NUAK2: variants seen among roughly 807,000 people sequenced by gnomAD.
The protein encoded by NUAK2 is NUAK family kinase 2, also known as NUAK family SNF1-like kinase 2.
NUAK2 carries 20 observed loss-of-function variants against 29.8 expected under a neutral mutation model. The observed-to-expected ratio is 0.67, with a 90% CI of 0.47 to 0.98. The LOEUF is 0.98. Among genes scored for constraint, NUAK2 ranks in the 50% least tolerant of loss-of-function variants. NUAK2 has a pLI of 0.00. For missense variants in NUAK2, 719 were observed against 834.5 expected (o/e 0.86, Z 1.71); for synonymous variants, 331 against 342.6 (o/e 0.97, Z 0.37).
Position 205,308,681 on chromosome 1 carries a change from C to T in NUAK2, c.404G>A (p.Gly135Asp), listed in dbSNP as rs371333792. 3 of 1,614,112 alleles carry T rather than the reference C, an allele frequency of 1.9e-6. No individual in the cohort carries two copies. Among genetic ancestry groups the T allele is most frequent in the Non-Finnish European group, 2.5e-6 (3 of 1,180,028 alleles). Residue 135 changes from glycine (G) to aspartate (D), a missense_variant, in exon 3 of 7, where the codon GGC becomes GAC. Physicochemically the swap from Gly to Asp is moderately conservative, Grantham distance 94. Around this residue, in one of 3 missense-constraint regions of NUAK2, gnomAD observed 283 missense variants for 345.6 expected, o/e 0.82. Coordinates refer to ENST00000367157, the MANE Select transcript of NUAK2 (RefSeq NM_030952.3). This position sits in a 1 kb window ranked among gnomAD's most constrained non-coding sequence, Gnocchi z 4.1. The part of the protein sequence containing the change: ...IVIVMEYASR[G>D]DLYDYISERQ... ...CTCGCTGATGTAGTCATAAAGGTCG[C>T]CCCGGCTGGCATACTCCATGACGAT...
At chr1:205,318,778 T>C (rs1316624293) in intron 1 of NUAK2, among the ~76,000 whole-genome samples, 1 of 152,258 alleles carries the variant, frequency 6.6e-6, no homozygotes, top group African/African-American at 2.4e-5. Flanking sequence ...CAGGAATGTA[T>C]TGAAGAGCCA....
intron 1 of NUAK2, among the ~76,000 whole-genome samples, chr1:205,317,734 G>A (rs1444610647): frequency 6.6e-6 from 1 of 152,234 alleles, no homozygotes; most frequent in Non-Finnish European, 1.5e-5. Context: ...AGCTGGGAGG[G>A]CAGTGTCCTG....
Position 205,308,462 on chromosome 1 carries a change from A to T in NUAK2, c.504+119T>A. The T allele has an allele frequency of 8.9e-7, 1 of 1,121,184 alleles. No homozygotes were observed. Among genetic ancestry groups the T allele is most frequent in the Non-Finnish European group, 1.3e-6 (1 of 766,324 alleles). The allele number at this position is 1,121,184 out of a possible 1,614,324, so 69.5% of individuals were successfully genotyped here. A position where few individuals can be genotyped will look rare whatever the true frequency, so the allele number is the denominator to read the frequency against. On this transcript the variant is annotated intron_variant, in intron 3 of 6. Coordinates refer to ENST00000367157, the MANE Select transcript of NUAK2 (RefSeq NM_030952.3). The surrounding 1 kb of genome is among the most constrained non-coding windows in gnomAD (Gnocchi z 4.1). ...ACATTTCCCTGAGAGTCCAGAATCT[A>T]GTTTTGCCTCTGTTTCTGTGTGATC...
At chr1:205,309,753 A>G (rs1191323020) in intron 2 of NUAK2, among the ~76,000 whole-genome samples, 1 of 152,232 alleles carries the variant, frequency 6.6e-6, no homozygotes, top group African/African-American at 2.4e-5. Flanking sequence ...ATAAAGCACC[A>G]GGGAGAGCTG....
intron 2 of NUAK2, 45 bp downstream of exon 2, chr1:205,311,660 C>T: frequency 6.2e-7 from 1 of 1,610,676 alleles, no homozygotes; most frequent in South Asian, 1.1e-5. Context: ...CACACACATG[C>T]ACACACATAG....
chr1:205,314,697 G>A (rs1176664086), intron 1 of NUAK2, among the ~76,000 whole-genome samples: 7 of 152,100 alleles, frequency 4.6e-5, no homozygotes, highest in Non-Finnish European at 1.0e-4. Context: ...AGAGATAAAG[G>A]TCCATAAAGA....
At chr1:205,311,237 G>C (rs1322224639) in intron 2 of NUAK2, among the ~76,000 whole-genome samples, 1 of 152,178 alleles carries the variant, frequency 6.6e-6, no homozygotes, top group Admixed American at 6.5e-5. Context: ...TCAGACTCTA[G>C]GAGGTCTGGC....
intron 1 of NUAK2, among the ~76,000 whole-genome samples, chr1:205,319,083 C>A (rs566402420): frequency 4.1e-5 from 6 of 145,462 alleles, no homozygotes; most frequent in Admixed American, 2.1e-4. Context: ...TCTCGATTCA[C>A]GAAGGACAGT....
chr1:205,305,764 T>G (rs995526516), intron 5 of NUAK2, among the ~76,000 whole-genome samples: 2 of 152,142 alleles, frequency 1.3e-5, no homozygotes, highest in Non-Finnish European at 1.5e-5. Context: ...CAGACTGGAG[T>G]GCAGTGGCAT....
At position 205,308,158 on chromosome 1, in the gene NUAK2, G is replaced by C. The variant is rs969051907; in HGVS notation, c.570+7C>G. ...GGAGGCTTCTAGAAATAAGAAGTGG[G>C]ACTCACCTTGATATTCCCATTGGCA... is the stretch of plus-strand genomic sequence containing the variant. On this transcript the variant is annotated splice_region_variant and intron_variant, in intron 4 of 6. Transcript: ENST00000367157. The surrounding 1 kb of genome is among the most constrained non-coding windows in gnomAD (Gnocchi z 4.1). The C allele has an allele frequency of 3.1e-6, 5 of 1,591,702 alleles. No individual in the cohort carries two copies. The highest frequency in any genetic ancestry group is 3.4e-6 in the Non-Finnish European group (4 of 1,163,060).
At position 205,303,787 on chromosome 1, in the gene NUAK2, G is replaced by T. The variant is rs781414257; in HGVS notation, c.1550C>A (p.Ala517Asp). The change falls in exon 7 of 7, where the codon GCC (alanine) becomes GAC (aspartate). Residue 517 changes from alanine (A) to aspartate (D), a missense_variant. By Grantham distance (126) the Ala-to-Asp change is moderately radical (BLOSUM62 -2). Around this residue, in one of 3 missense-constraint regions of NUAK2, gnomAD observed 430 missense variants for 465.7 expected, o/e 0.92. Coordinates refer to ENST00000367157, the MANE Select transcript of NUAK2 (RefSeq NM_030952.3). ...ATCCAGGGAGCCGAAGGTGGTGGGG[G>T]CCGCGAGCTCCAAGGCTGTCTGGGA... ...KFSQTALELA[A>D]PTTFGSLDEL... is the part of the protein sequence containing the mutation. The T allele has an allele frequency of 6.4e-7, 1 of 1,562,654 alleles. No individual in the cohort carries two copies. The highest frequency in any genetic ancestry group is 1.9e-5 in the Admixed American group (1 of 53,410).
intron 2 of NUAK2, among the ~76,000 whole-genome samples, chr1:205,309,009 C>T (rs1574892068): frequency 6.6e-6 from 1 of 151,738 alleles, no homozygotes; most frequent in South Asian, 2.1e-4. Context: ...ATGACCCTGC[C>T]CTTTCAGGAA....
intron 5 of NUAK2, 109 bp downstream of exon 5, chr1:205,306,074 TGAGAG>T: frequency 7.1e-7 from 1 of 1,410,876 alleles, no homozygotes; most frequent in Non-Finnish European, 9.6e-7. Context: ...TTGGGAGGCT[TGAGAG>T]TTGTGCTCTG....
intron 1 of NUAK2, among the ~76,000 whole-genome samples, chr1:205,316,629 C>T (rs142319193): frequency 1.3e-3 from 197 of 152,334 alleles, no homozygotes; most frequent in African/African-American, 4.6e-3. Context: ...AAGAGCCATT[C>T]ACGAATTTGC....
intron 2 of NUAK2, among the ~76,000 whole-genome samples, chr1:205,311,162 G>T (rs1197802422): frequency 6.6e-6 from 1 of 152,182 alleles, no homozygotes; most frequent in Non-Finnish European, 1.5e-5. Context: ...TCAGAGAAGA[G>T]GAGGCCAAGA....
chr1:205,312,554 A>G (rs931597422), intron 1 of NUAK2, among the ~76,000 whole-genome samples: 38 of 152,216 alleles, frequency 2.5e-4, no homozygotes, highest in African/African-American at 8.9e-4. Context: ...TAATCCAAGC[A>G]CTTTGGGAAG....
At position 205,308,535 on chromosome 1, in the gene NUAK2, TG is replaced by T; in HGVS notation, c.504+45del. On this transcript the variant is annotated intron_variant, in intron 3 of 6. Transcript: ENST00000367157. The surrounding 1 kb of genome is among the most constrained non-coding windows in gnomAD (Gnocchi z 4.1). The stretch of plus-strand genomic sequence containing the variant: ...CTGGTCCAAAACAGCCCTAGAGCCC[TG>T]GGGACCACCCACTGAGAATATGGCT... The T allele has an allele frequency of 6.3e-7, 1 of 1,597,582 alleles. No individual in the cohort carries two copies. The highest frequency in any genetic ancestry group is 8.6e-7 in the Non-Finnish European group (1 of 1,166,484).
chr1:205,308,836 C>A lies in NUAK2; in HGVS notation c.353-104G>T. 3 of 1,327,354 alleles carry A rather than the reference C, an allele frequency of 2.3e-6. No homozygotes were observed. The highest frequency in any genetic ancestry group is 2.5e-5 in the South Asian group (2 of 78,744). The allele number at this position is 1,327,354 out of a possible 1,614,324, so 82.2% of individuals were successfully genotyped here. A position where few individuals can be genotyped will look rare whatever the true frequency, so the allele number is the denominator to read the frequency against. ...ACCCCAGGCCCCAAACCAGACAGGA[C>A]CCCCCTCCAGGAATATCTGCTAATG... On this transcript the variant is annotated intron_variant, in intron 2 of 6. Coordinates refer to ENST00000367157, the MANE Select transcript of NUAK2 (RefSeq NM_030952.3). The surrounding 1 kb of genome is among the most constrained non-coding windows in gnomAD (Gnocchi z 4.1).
chr1:205,304,072 A>T lies in NUAK2; in HGVS notation c.1265T>A (p.Val422Glu), dbSNP rs1662137477. ...KKKVSASAEG[V>E]QEDPPELSPI... ...GCTGAGCTCCGGAGGGTCCTCCTGT[A>T]CCCCTTCTGCAGAGGCTGACACCTT... is the stretch of plus-strand genomic sequence containing the variant. Residue 422 changes from valine (V) to glutamate (E), a missense_variant, in exon 7 of 7, where the codon GTA (valine) becomes GAA (glutamate). Transcript: ENST00000367157. The surrounding 1 kb of genome is among the most constrained non-coding windows in gnomAD (Gnocchi z 6.5). 1.9e-6 allele frequency: 3 copies of T among 1,613,806 alleles called. No homozygotes were observed. The South Asian group carries it at 3.3e-5, about 18-fold the overall frequency.
Sources: gnomAD v4.1 joint callset for allele counts (sites outside exome capture counted in the v4.1 genomes callset) on GRCh38, gnomAD v4.1.1 for gene constraint, gnomAD v4.1.1 regional missense constraint, Gnocchi (gnomAD v3.1) non-coding constraint, MANE v1.5 for transcripts, NCBI Gene and HGNC (gene_info 2026-07-23, HGNC 2026-07-21) for gene names.